Variants in TMEM161A observed in about 807,000 individuals in gnomAD.
TMEM161A encodes the protein transmembrane protein 161A, also known as adaptive response to oxidative stress protein 29.
TMEM161A carries 46 observed loss-of-function variants against 57.1 expected under a neutral mutation model. The observed-to-expected ratio is 0.81, with a 90% confidence interval of 0.64 to 1.03. The LOEUF is 1.03. TMEM161A is among the 50% of genes least tolerant of loss of function. The probability of loss-of-function intolerance (pLI) is 0.00; values close to 1 mark genes in which losing one functional copy is unlikely to be tolerated. For missense variants in TMEM161A, 601 were observed against 621.5 expected (o/e 0.97, Z 0.35); for synonymous variants, 288 against 279.0 (o/e 1.03, Z -0.32).
At chr19:19,135,058 A>ATTTTT in intron 1 of TMEM161A, 171 bp from the exon 2 acceptor site, 1 of 567,850 alleles carries the variant, frequency 1.8e-6, no homozygotes, top group South Asian at 2.2e-5. Context: ...GGACTCACCT[A>ATTTTT]GCATGGCCCT....
At position 19,120,648 on chromosome 19, in the gene TMEM161A, G is replaced by A. The variant is rs557618344; in HGVS notation, c.1186+117C>T. 1.2e-3 allele frequency: 1,129 copies of A among 911,952 alleles called. 5 individuals carry two copies. Among genetic ancestry groups the A allele is most frequent in the Non-Finnish European group, 1.5e-3 (890 of 590,892 alleles). 56.5% of individuals were successfully genotyped at this position (911,952 alleles called of 1,614,324 possible). On this transcript the variant is annotated intron_variant, in intron 11 of 11. Transcript: ENST00000162044. Reference sequence around the variant, plus strand: ...CAGACCCTGCCTTACCACAGTCTCCGCCCCCTGCCTAGGCCCCGCCTCTCC... The same window carrying A: ...CAGACCCTGCCTTACCACAGTCTCCACCCCCTGCCTAGGCCCCGCCTCTCC...
Position 19,132,334 on chromosome 19 carries a change from A to G in TMEM161A, c.443+18T>C. ...GCTCCCACCCGCCCCACTGGCAGGG[A>G]GCAGAGAGGAAGGATACATGGAGAA... On this transcript the variant is annotated intron_variant, in intron 5 of 11. Coordinates refer to ENST00000162044, the MANE Select transcript of TMEM161A (RefSeq NM_017814.3). This position sits in a 1 kb window ranked among gnomAD's most constrained non-coding sequence, Gnocchi z 4.3. The G allele has an allele frequency of 6.2e-7, 1 of 1,605,554 alleles. No individual in the cohort carries two copies. The highest frequency in any genetic ancestry group is 1.7e-5 in the Admixed American group (1 of 59,450).
At chr19:19,124,814 G>T (rs2146329101) in intron 6 of TMEM161A, among the ~76,000 whole-genome samples, 2 of 152,130 alleles carry the variant, frequency 1.3e-5, no homozygotes, top group Middle Eastern at 6.8e-3. Context: ...AATTAGCCAG[G>T]CGTGGTGGCG....
rs73533248 is a variant in TMEM161A, at chr19:19,121,930, T to C, written c.596-111A>G. Reference sequence around the variant, plus strand: ...CATCCGTTTGCTTCCCAAGTAGGAATGAACAAGGGTCTGCCAGGCCCTGAG... The same window carrying C: ...CATCCGTTTGCTTCCCAAGTAGGAACGAACAAGGGTCTGCCAGGCCCTGAG... On this transcript the variant is annotated intron_variant, in intron 6 of 11. Coordinates refer to ENST00000162044, the MANE Select transcript of TMEM161A (RefSeq NM_017814.3). This position sits in a 1 kb window ranked among gnomAD's most constrained non-coding sequence, Gnocchi z 5.8. 4,715 of 1,242,452 alleles carry C rather than the reference T, an allele frequency of 3.8e-3. 126 individuals carry two copies. The African/African-American group carries it at 0.061, about 16-fold the overall frequency. The allele number at this position is 1,242,452 out of a possible 1,614,324, so 77.0% of individuals were successfully genotyped here. A position where few individuals can be genotyped will look rare whatever the true frequency, so the allele number is the denominator to read the frequency against.
rs1394670520 is a variant in TMEM161A, at chr19:19,128,523, C to A, written c.595+1633G>T. On this transcript the variant is annotated intron_variant, in intron 6 of 11. Coordinates refer to ENST00000162044, the MANE Select transcript of TMEM161A (RefSeq NM_017814.3). The stretch of plus-strand genomic sequence containing the variant: ...GGGATTACACATGTGAGCCACCACA[C>A]CTGGCCTACATTTTTTTTTTTTTTT... 6.0e-5 allele frequency among the ~76,000 whole-genome samples: 9 copies of A among 150,846 alleles called. No individual in the cohort carries two copies. The East Asian group carries it at 1.7e-3, about 29-fold the overall frequency.
chr19:19,138,094 G>A (rs1250145627), intron 1 of TMEM161A, among the ~76,000 whole-genome samples: 2 of 152,140 alleles, frequency 1.3e-5, no homozygotes, highest in Non-Finnish European at 2.9e-5. Flanking sequence ...CCTTAACCAG[G>A]TTCCAAATGT....
chr19:19,136,632 G>A (rs2059985707), intron 1 of TMEM161A, among the ~76,000 whole-genome samples: 1 of 151,860 alleles, frequency 6.6e-6, no homozygotes, highest in Admixed American at 6.6e-5. Flanking sequence ...CTCCAGCCTG[G>A]GCAACAGAGT....
At chr19:19,130,486 G>A (rs1234882707) in intron 5 of TMEM161A, 179 bp from the exon 6 acceptor site, 22 of 709,990 alleles carry the variant, frequency 3.1e-5, no homozygotes, top group Non-Finnish European at 4.9e-5. Flanking sequence ...TGTGGGCTGG[G>A]GGTTCCCGTT....
Position 19,138,452 on chromosome 19 carries a change from C to A in TMEM161A, c.-24G>T. 1 of 1,598,254 alleles carries A rather than the reference C, an allele frequency of 6.3e-7. No homozygotes were observed. The highest frequency in any genetic ancestry group is 2.3e-5 in the East Asian group (1 of 43,848). On this transcript the variant is annotated 5_prime_UTR_variant, in exon 1 of 12. Transcript: ENST00000162044. ...ATGACGCGTGCGAGAACGCGGTGCA[C>A]TCACCCACCGGCCTAGGGCTCCGGG...
chr19:19,126,150 G>C (rs2059930243), intron 6 of TMEM161A, among the ~76,000 whole-genome samples: 1 of 117,528 alleles, frequency 8.5e-6, no homozygotes, highest in Non-Finnish European at 1.7e-5. Flanking sequence ...GGGGGAAAGA[G>C]CGAGACTCTG....
chr19:19,120,745 C>A lies in TMEM161A; in HGVS notation c.1186+20G>T, dbSNP rs751935779. On this transcript the variant is annotated intron_variant, in intron 11 of 11. Transcript: ENST00000162044. ...CTTCCAACTCCGCCCCTCCTCCACC[C>A]CCACACCGCGGCATCTCACCCAGCG... 6.2e-7 allele frequency: 1 copy of A among 1,610,914 alleles called. No individual in the cohort carries two copies. Among genetic ancestry groups the A allele is most frequent in the Non-Finnish European group, 8.5e-7 (1 of 1,178,674 alleles).
chr19:19,126,491 C>T (rs190610071), intron 6 of TMEM161A, among the ~76,000 whole-genome samples: 241 of 152,042 alleles, frequency 1.6e-3, no homozygotes, highest in Non-Finnish European at 2.6e-3. Context: ...TTTGGAAGGC[C>T]GAGGCTGGCG....
At chr19:19,130,786 T>C (rs6511021) in intron 5 of TMEM161A, among the ~76,000 whole-genome samples, 103,861 of 151,596 alleles carry the variant, frequency 0.69, 35,881 homozygotes, top group East Asian at 0.9. Flanking sequence ...AAAAATAATT[T>C]TGTGGTAGCC....
intron 6 of TMEM161A, among the ~76,000 whole-genome samples, chr19:19,126,569 C>G (rs2059932403): frequency 6.6e-6 from 1 of 152,010 alleles, no homozygotes; most frequent in Admixed American, 6.6e-5. Flanking sequence ...ATTAAAAACA[C>G]AAAAATTATC....
chr19:19,132,603 T>C lies in TMEM161A; in HGVS notation c.286+54A>G, dbSNP rs1190353930. 3.8e-6 allele frequency: 6 copies of C among 1,564,010 alleles called. No homozygotes were observed. The African/African-American group carries it at 6.8e-5, about 18-fold the overall frequency. On this transcript the variant is annotated intron_variant, in intron 4 of 11. Coordinates refer to ENST00000162044, the MANE Select transcript of TMEM161A (RefSeq NM_017814.3). This position sits in a 1 kb window ranked among gnomAD's most constrained non-coding sequence, Gnocchi z 4.3. ...AATCCTCCCCACCCCCATGAGGGTG[T>C]GGAGACCTTCAGGGCTGAGGGAGTA...
rs777586563 is a variant in TMEM161A at position 19,134,810 on chromosome 19, G to A, written c.81C>T (p.Phe27=). ...TGCCGTTACAGAGCAGCCAGCGCGCGAAGGAGCAGTGTGGCGCCAGCCTGT... is the reference window on the plus strand; with the variant it reads ...TGCCGTTACAGAGCAGCCAGCGCGCAAAGGAGCAGTGTGGCGCCAGCCTGT... The part of the protein sequence containing the change: ...LMHRLAPHCS[F]ARWLLCNGSL... Residue 27 remains phenylalanine (F), a synonymous_variant, in exon 2 of 12, where the codon TTC becomes TTT. Coordinates refer to ENST00000162044, the MANE Select transcript of TMEM161A (RefSeq NM_017814.3). 12 of 1,589,788 alleles carry A rather than the reference G, an allele frequency of 7.5e-6. No individual in the cohort carries two copies. Among genetic ancestry groups the A allele is most frequent in the African/African-American group, 6.7e-5 (5 of 74,206 alleles).
Position 19,130,127 on chromosome 19 carries a change from G to A in TMEM161A, c.595+29C>T, listed in dbSNP as rs111794085. ...GATTACATGAGGGAGTGACAGCTGC[G>A]GTGGCCCCACGTTGGGGGCTGCACT... On this transcript the variant is annotated intron_variant, in intron 6 of 11. Coordinates refer to ENST00000162044, the MANE Select transcript of TMEM161A (RefSeq NM_017814.3). 3.1e-4 allele frequency: 492 copies of A among 1,609,982 alleles called. No homozygotes were observed. In the African/African-American group the frequency reaches 5.3e-3, roughly 17 times the overall value.
rs953634864 is a variant in TMEM161A, at chr19:19,132,873, T to C, written c.189-119A>G. The stretch of plus-strand genomic sequence containing the variant: ...TCTCTTTCCACAACCTTGGCTCCTC[T>C]GCACACTGGGATATGGGGATCCCCC... On this transcript the variant is annotated intron_variant, in intron 3 of 11. Transcript: ENST00000162044. This position sits in a 1 kb window ranked among gnomAD's most constrained non-coding sequence, Gnocchi z 4.3. 1.3e-5 allele frequency: 11 copies of C among 873,358 alleles called. No individual in the cohort carries two copies. In the African/African-American group the frequency reaches 1.4e-4, roughly 11 times the overall value. The allele number at this position is 873,358 out of a possible 1,614,324, so 54.1% of individuals were successfully genotyped here.
chr19:19,127,135 A>G (rs1162433551), intron 6 of TMEM161A, among the ~76,000 whole-genome samples: 1 of 152,162 alleles, frequency 6.6e-6, no homozygotes, highest in African/African-American at 2.4e-5. Flanking sequence ...CATATAATCC[A>G]GCAGTTCCAC....
Sources: gnomAD v4.1 joint callset for allele counts (sites outside exome capture counted in the v4.1 genomes callset) on GRCh38, gnomAD v4.1.1 for gene constraint, Gnocchi (gnomAD v3.1) non-coding constraint, MANE v1.5 for transcripts, NCBI Gene and HGNC (gene_info 2026-07-23, HGNC 2026-07-21) for gene names.